LIN28B: variants seen among roughly 807,000 people sequenced by gnomAD.
The protein encoded by LIN28B is lin-28 RNA binding posttranscriptional regulator B.
Under a neutral mutation model 21.9 loss-of-function variants are expected in LIN28B, and 5 were observed. The observed-to-expected ratio is 0.23, with a 90% confidence interval of 0.12 to 0.48. The LOEUF (loss-of-function observed/expected upper bound fraction) is 0.48. Among genes scored for constraint, LIN28B ranks in the 20% least tolerant of loss-of-function variants. The pLI is 0.98. For synonymous variants in LIN28B, 109 were observed against 111.3 expected (o/e 0.98, Z 0.13); for missense variants, 245 against 310.5 (o/e 0.79, Z 1.58).
chr6:105,013,479 T>C (rs1770963129), intron 2 of LIN28B, among the ~76,000 whole-genome samples: 1 of 152,058 alleles, frequency 6.6e-6, no homozygotes, highest in African/African-American at 2.4e-5. Context: ...GGCTCATACC[T>C]ATAATCCCAG....
At chr6:105,076,209 C>G (rs1041315744) in intron 3 of LIN28B, among the ~76,000 whole-genome samples, 5 of 152,032 alleles carry the variant, frequency 3.3e-5, no homozygotes, top group African/African-American at 1.2e-4. Flanking sequence ...AATAATTTAA[C>G]TACAACATGT....
intron 2 of LIN28B, among the ~76,000 whole-genome samples, chr6:104,999,795 C>A (rs553824637): frequency 6.6e-6 from 1 of 152,096 alleles, no homozygotes; most frequent in Non-Finnish European, 1.5e-5. Context: ...ATTCTCCTGC[C>A]TCAGCCCCCG....
chr6:105,001,627 A>C (rs576065612), intron 2 of LIN28B, among the ~76,000 whole-genome samples: 1 of 152,358 alleles, frequency 6.6e-6, no homozygotes, highest in African/African-American at 2.4e-5. Flanking sequence ...AGAGAACGGA[A>C]GAATTATTAA....
intron 3 of LIN28B, among the ~76,000 whole-genome samples, chr6:105,038,379 C>G (rs1039216047): frequency 4.6e-5 from 7 of 152,102 alleles, no homozygotes; most frequent in Admixed American, 1.3e-4. Context: ...TCTGGAGAGG[C>G]CTGTGGAAAC....
At chr6:105,065,756 C>G (rs139708040) in intron 3 of LIN28B, among the ~76,000 whole-genome samples, 12 of 152,302 alleles carry the variant, frequency 7.9e-5, no homozygotes, top group South Asian at 2.1e-4. Flanking sequence ...TTAAATCATA[C>G]CAGGCACTGT....
intron 2 of LIN28B, among the ~76,000 whole-genome samples, chr6:104,947,229 G>A (rs1778166730): frequency 6.6e-6 from 1 of 152,100 alleles, no homozygotes; most frequent in African/African-American, 2.4e-5. Flanking sequence ...GGTTCAGGCA[G>A]TTCTCCTGCT....
intron 2 of LIN28B, among the ~76,000 whole-genome samples, chr6:104,939,101 TA>T (rs1249173581): frequency 6.6e-6 from 1 of 152,226 alleles, no homozygotes; most frequent in African/African-American, 2.4e-5. Flanking sequence ...GCTCTACTCA[TA>T]AATAAAAAAT....
At chr6:105,050,533 C>T (rs1273235617) in intron 3 of LIN28B, among the ~76,000 whole-genome samples, 5 of 132,778 alleles carry the variant, frequency 3.8e-5, no homozygotes, top group African/African-American at 8.4e-5. Flanking sequence ...ACCCGGGAAG[C>T]GGAGCTTGCA....
intron 3 of LIN28B, among the ~76,000 whole-genome samples, chr6:105,049,520 G>A (rs59570028): frequency 0.045 from 6,805 of 152,196 alleles, 275 homozygotes; most frequent in East Asian, 0.15. Flanking sequence ...TATTAGGTCC[G>A]CTTGGTCCAG....
At position 105,001,890 on chromosome 6, in the gene LIN28B, G is replaced by A. The variant is rs1320310512; in HGVS notation, c.199-24408G>A. 2.6e-5 allele frequency among the ~76,000 whole-genome samples: 4 copies of A among 152,226 alleles called. No homozygotes were observed. In the East Asian group the frequency reaches 7.7e-4, roughly 29 times the overall value. On this transcript the variant is annotated intron_variant, in intron 2 of 3. Coordinates refer to ENST00000345080, the MANE Select transcript of LIN28B (RefSeq NM_001004317.4). ...ACAAGTATTCAAATATTAGAAAGTG[G>A]GGAGGGGAGAAAAAGTATGTAGCAC...
At chr6:104,962,657 TTTAA>T (rs1352450238) in intron 2 of LIN28B, among the ~76,000 whole-genome samples, 25 of 152,190 alleles carry the variant, frequency 1.6e-4, no homozygotes, top group African/African-American at 2.2e-4. Context: ...TTCTTATGTA[TTTAA>T]TTAATTATAC....
At chr6:105,045,385 C>G (rs1771734992) in intron 3 of LIN28B, among the ~76,000 whole-genome samples, 1 of 147,982 alleles carries the variant, frequency 6.8e-6, no homozygotes, top group African/African-American at 2.5e-5. Context: ...CTCCCGGGTT[C>G]AAGCAATTCT....
chr6:104,951,666 T>G (rs1287491706), intron 3 of LIN28B, among the ~76,000 whole-genome samples: 1 of 152,186 alleles, frequency 6.6e-6, no homozygotes, highest in Non-Finnish European at 1.5e-5. Context: ...CTGTATTTCC[T>G]TGTGATTAAA....
intron 2 of LIN28B, among the ~76,000 whole-genome samples, chr6:104,948,858 G>GT (rs1355780863): frequency 6.6e-6 from 1 of 152,086 alleles, no homozygotes; most frequent in Non-Finnish European, 1.5e-5. Flanking sequence ...TCATATGTAA[G>GT]TTTGAATAGT....
rs549670159 is a variant in LIN28B, at chr6:105,016,804, C to A, written c.199-9494C>A. Among the ~76,000 whole-genome samples, 3 of 152,098 alleles carry A rather than the reference C, an allele frequency of 2.0e-5. No individual in the cohort carries two copies. The East Asian group carries it at 5.8e-4, about 29-fold the overall frequency. ...GAGCGCGGTGGCTCATGCCTGTAAT[C>A]CCAGCCCTTCGCGAGGCTGAGTTGG... On this transcript the variant is annotated intron_variant, in intron 2 of 3. Transcript: ENST00000345080.
chr6:104,949,174 A>G (rs991502784), intron 2 of LIN28B, among the ~76,000 whole-genome samples: 2 of 152,226 alleles, frequency 1.3e-5, no homozygotes, highest in East Asian at 3.8e-4. Flanking sequence ...CAGAAGCTAC[A>G]GTTGTGCTGA....
At chr6:105,020,425 G>A (rs1771115548) in intron 2 of LIN28B, among the ~76,000 whole-genome samples, 1 of 151,486 alleles carries the variant, frequency 6.6e-6, no homozygotes, top group South Asian at 2.1e-4. Context: ...TGAGACCTCA[G>A]CTCACTGCAG....
intron 3 of LIN28B, among the ~76,000 whole-genome samples, chr6:105,032,719 C>CA (rs113074142): frequency 0.011 from 1,624 of 142,456 alleles, 14 homozygotes; most frequent in Middle Eastern, 0.03. Context: ...GACCCTGCCT[C>CA]AAAAAAAAAA....
chr6:105,021,840 T>A (rs1003248827), intron 2 of LIN28B, among the ~76,000 whole-genome samples: 2 of 152,168 alleles, frequency 1.3e-5, no homozygotes, highest in Non-Finnish European at 2.9e-5. Flanking sequence ...CTTTTTTGTC[T>A]ATTTTTGCCT....
Sources: gnomAD v4.1 joint callset for allele counts (sites outside exome capture counted in the v4.1 genomes callset) on GRCh38, gnomAD v4.1.1 for gene constraint, MANE v1.5 for transcripts, NCBI Gene and HGNC (gene_info 2026-07-23, HGNC 2026-07-21) for gene names.